MPHOSPH10: variants seen among roughly 807,000 people sequenced by gnomAD.
MPHOSPH10 encodes the protein M-phase phosphoprotein 10.
Under a neutral mutation model 77.3 loss-of-function variants are expected in MPHOSPH10, and 33 were observed. The observed-to-expected ratio is 0.43, with a 90% CI of 0.32 to 0.57. MPHOSPH10 has a LOEUF of 0.57. MPHOSPH10 is among the 20% of genes least tolerant of loss of function. The pLI is 0.07. For synonymous variants in MPHOSPH10, 245 were observed against 268.0 expected, an observed-to-expected ratio of 0.91 and a Z score of 0.84; for missense variants, 708 against 780.1, an observed-to-expected ratio of 0.91 and a Z score of 1.10.
chr2:71,140,863 C>T (rs749860050), intron 6 of MPHOSPH10, among the ~76,000 whole-genome samples: 7 of 152,060 alleles, frequency 4.6e-5, no homozygotes, highest in Non-Finnish European at 1.0e-4. Context: ...TAACTCAAGG[C>T]TTGACTTTTA....
Position 71,133,992 on chromosome 2 carries a change from T to A in MPHOSPH10, c.813T>A (p.Asp271Glu). The change falls in exon 3 of 11, where the codon GAT (aspartate) becomes GAA (glutamate). Residue 271 changes from aspartate to glutamate, a missense_variant. By Grantham distance (45) the Asp-to-Glu change is conservative. Transcript: ENST00000244230. ...SRNLKYKDFF[D>E]PVESDEDITN... ...ATCTGAAATACAAAGATTTTTTTGA[T>A]CCAGTTGAAAGTGATGAAGACATAA... 4 of 1,592,210 alleles carry A rather than the reference T, an allele frequency of 2.5e-6. No individual in the cohort carries two copies. The highest frequency in any genetic ancestry group is 3.4e-6 in the Non-Finnish European group (4 of 1,169,446).
Position 71,139,790 on chromosome 2 carries a change from T to C in MPHOSPH10, c.1241-5T>C. On this transcript the variant is annotated splice_polypyrimidine_tract_variant and splice_region_variant and intron_variant, in intron 5 of 10. Transcript: ENST00000244230. ...CCTAATGAATAAACGTTGTATATCCTTTAGCACCTGTGATTACAGAGGAAA... is the reference window on the plus strand; with the variant it reads ...CCTAATGAATAAACGTTGTATATCCCTTAGCACCTGTGATTACAGAGGAAA... The C allele has an allele frequency of 6.2e-7, 1 of 1,602,386 alleles. No individual in the cohort carries two copies. Among genetic ancestry groups the C allele is most frequent in the South Asian group, 1.1e-5 (1 of 90,388 alleles).
At chr2:71,141,440 T>G (rs1673610434) in intron 7 of MPHOSPH10, 71 bp downstream of exon 7, 6 of 1,258,598 alleles carry the variant, frequency 4.8e-6, no homozygotes, top group South Asian at 2.3e-5. Flanking sequence ...TTTTTGTGAC[T>G]GTTGAAATCG....
At chr2:71,134,176 TCAAATG>T in intron 3 of MPHOSPH10, 71 bp downstream of exon 3, 1 of 1,427,736 alleles carries the variant, frequency 7.0e-7, no homozygotes, top group Non-Finnish European at 9.4e-7. Context: ...CTCGTAGTTA[TCAAATG>T]TGTTTGTCTT....
At position 71,146,493 on chromosome 2, in the gene MPHOSPH10, G is replaced by A. The variant is rs569679814; in HGVS notation, c.1558-1506G>A. On this transcript the variant is annotated intron_variant, in intron 8 of 10. Transcript: ENST00000244230. ...TGGGACTACAGGCATGCACCACCAC[G>A]GCTGGCTAATTTTTTTGTATTTTTA... Among the ~76,000 whole-genome samples, 7 of 151,960 alleles carry A rather than the reference G, an allele frequency of 4.6e-5. No individual in the cohort carries two copies. The South Asian group carries it at 1.2e-3, about 27-fold the overall frequency.
intron 8 of MPHOSPH10, among the ~76,000 whole-genome samples, chr2:71,146,362 A>T (rs1673708247): frequency 7.4e-6 from 1 of 135,572 alleles, no homozygotes. Context: ...TTGAGACAGA[A>T]TCTCACTGTG....
Position 71,140,415 on chromosome 2 carries a change from T to C in MPHOSPH10, c.1308+553T>C, listed in dbSNP as rs563669276. ...CTGGCTCAGGTGTCTCTTGCTCTTC[T>C]TAAGAGCCACCATTCCCCCACTGAT... On this transcript the variant is annotated intron_variant, in intron 6 of 10. Coordinates refer to ENST00000244230, the MANE Select transcript of MPHOSPH10 (RefSeq NM_005791.3). Among the ~76,000 whole-genome samples, 9 of 152,220 alleles carry C rather than the reference T, an allele frequency of 5.9e-5. No individual in the cohort carries two copies. The South Asian group carries it at 1.2e-3, about 21-fold the overall frequency.
At chr2:71,134,206 C>T in intron 3 of MPHOSPH10, 101 bp downstream of exon 3, 1 of 1,130,172 alleles carries the variant, frequency 8.8e-7, no homozygotes, top group Non-Finnish European at 1.2e-6. Flanking sequence ...AAGTTCTATT[C>T]TCTAATATCA....
In MPHOSPH10 at chr2:71,134,617, G is replaced by A. The variant is rs1348808859; in HGVS notation, c.927-9G>A. On this transcript the variant is annotated splice_polypyrimidine_tract_variant and intron_variant, in intron 3 of 10. Coordinates refer to ENST00000244230, the MANE Select transcript of MPHOSPH10 (RefSeq NM_005791.3). ...TATATTTCTTTTTATAAGAGTTTTGGTATTGTAGGGATGAAGATGATGACC... is the reference window on the plus strand; with the variant it reads ...TATATTTCTTTTTATAAGAGTTTTGATATTGTAGGGATGAAGATGATGACC... 5.7e-6 allele frequency: 9 copies of A among 1,585,384 alleles called. No individual in the cohort carries two copies. Among genetic ancestry groups the A allele is most frequent in the East Asian group, 2.2e-5 (1 of 44,580 alleles).
chr2:71,133,152 G>GT lies in MPHOSPH10; in HGVS notation c.345dup (p.Glu116Ter), dbSNP rs778914608. 6.2e-7 allele frequency: 1 copy of GT among 1,613,988 alleles called. No homozygotes were observed. Among genetic ancestry groups the GT allele is most frequent in the South Asian group, 1.1e-5 (1 of 91,082 alleles). ...CTCCCAGAGAGTGAAGAACAGGAAC[G>GT]TGAAGAGGATGGTTCAGAGATAGAG... On this transcript the variant is annotated frameshift_variant, in exon 2 of 11. Coordinates refer to ENST00000244230, the MANE Select transcript of MPHOSPH10 (RefSeq NM_005791.3). LOFTEE classifies it high-confidence loss of function.
chr2:71,142,427 TTAGA>T (rs1312094839), intron 7 of MPHOSPH10, among the ~76,000 whole-genome samples: 3 of 152,186 alleles, frequency 2.0e-5, no homozygotes. Context: ...GAATTAAAAA[TTAGA>T]TAGGTAATGC....
rs72905506 is a variant in MPHOSPH10 at position 71,132,970 on chromosome 2, G to A, written c.162G>A (p.Glu54=). ...KVLYDFNKIL[E]NGRIHGSPLQ... ...TTTATGACTTTAATAAAATATTAGA[G>A]AATGGTAGGATCCATGGAAGCCCCT... Residue 54 remains glutamate (E), a synonymous_variant, in exon 2 of 11, where the codon GAG becomes GAA. Transcript: ENST00000244230. The A allele has an allele frequency of 0.01, 16,210 of 1,613,796 alleles. 763 individuals carry two copies. The African/African-American group carries it at 0.14, about 13-fold the overall frequency.
At chr2:71,145,443 A>T (rs904255861) in intron 8 of MPHOSPH10, among the ~76,000 whole-genome samples, 1 of 151,322 alleles carries the variant, frequency 6.6e-6, no homozygotes, top group Non-Finnish European at 1.5e-5. Flanking sequence ...GGTGATTCCC[A>T]TGCAAATATT....
intron 6 of MPHOSPH10, among the ~76,000 whole-genome samples, chr2:71,140,377 G>A (rs1416884146): frequency 6.6e-6 from 1 of 152,184 alleles, no homozygotes; most frequent in Non-Finnish European, 1.5e-5. Flanking sequence ...AAAGGGCTGA[G>A]CATGCTAAGA....
At chr2:71,134,915 C>T (rs2103663157) in intron 4 of MPHOSPH10, 118 bp downstream of exon 4, 3 of 834,362 alleles carry the variant, frequency 3.6e-6, no homozygotes, top group Non-Finnish European at 5.6e-6. Context: ...GCCTGTAATC[C>T]TAACACTTTG....
intron 7 of MPHOSPH10, among the ~76,000 whole-genome samples, chr2:71,141,768 A>G (rs1296635537): frequency 6.6e-6 from 1 of 152,064 alleles, no homozygotes; most frequent in African/African-American, 2.4e-5. Flanking sequence ...GGTGGCTCAC[A>G]TCTGTAATCC....
Position 71,144,408 on chromosome 2 carries a change from T to C in MPHOSPH10, c.1447-20T>C. 6.3e-7 allele frequency: 1 copy of C among 1,584,344 alleles called. No homozygotes were observed. The highest frequency in any genetic ancestry group is 8.7e-7 in the Non-Finnish European group (1 of 1,153,654). On this transcript the variant is annotated intron_variant, in intron 7 of 10. Transcript: ENST00000244230. ...TATATCAAGTCGCTTAGTTTGACATTGTTGAACTTATTTCCTAAGCAAAAA... is the reference window on the plus strand; with the variant it reads ...TATATCAAGTCGCTTAGTTTGACATCGTTGAACTTATTTCCTAAGCAAAAA...
intron 1 of MPHOSPH10, among the ~76,000 whole-genome samples, chr2:71,131,327 A>G (rs1673373410): frequency 6.6e-6 from 1 of 152,212 alleles, no homozygotes; most frequent in Non-Finnish European, 1.5e-5. Context: ...ATTCCGTAGC[A>G]CACAACTGGG....
intron 4 of MPHOSPH10, among the ~76,000 whole-genome samples, chr2:71,135,419 C>G (rs1349902355): frequency 6.7e-5 from 10 of 149,462 alleles, no homozygotes; most frequent in African/African-American, 2.5e-4. Context: ...TGGTGGCGGG[C>G]ACCTGTAATC....
Sources: allele counts gnomAD v4.1 joint callset (sites outside exome capture counted in the v4.1 genomes callset), GRCh38; gene constraint gnomAD v4.1.1; transcripts MANE v1.5; gene names NCBI Gene and HGNC (gene_info 2026-07-23, HGNC 2026-07-21).